MATN2: variants seen among roughly 807,000 people sequenced by gnomAD.
MATN2 encodes the protein matrilin 2.
MATN2 carries 69 observed loss-of-function variants against 103.2 expected under a neutral mutation model. That is an observed-to-expected ratio of 0.67 (90% confidence interval 0.55 to 0.82). MATN2 has a LOEUF of 0.82. MATN2 is among the 40% of genes least tolerant of loss of function. MATN2 has a pLI of 0.00. For synonymous variants in MATN2, 429 were observed against 450.2 expected, an observed-to-expected ratio of 0.95 and a Z score of 0.60; for missense variants, 1,023 against 1,211.5, an observed-to-expected ratio of 0.84 and a Z score of 2.31.
At chr8:98,023,709 G>C (rs1200347180) in intron 13 of MATN2, among the ~76,000 whole-genome samples, 1 of 152,082 alleles carries the variant, frequency 6.6e-6, no homozygotes, top group Non-Finnish European at 1.5e-5. Context: ...TAAAGGTGTT[G>C]AGCCCAGTGC....
chr8:97,939,456 G>A (rs1474002378), intron 3 of MATN2, among the ~76,000 whole-genome samples: 3 of 152,192 alleles, frequency 2.0e-5, no homozygotes, highest in Non-Finnish European at 4.4e-5. Context: ...AGCTGAAAAA[G>A]AAGGCAGAGT....
At chr8:98,004,825 G>A (rs1812912754) in intron 8 of MATN2, among the ~76,000 whole-genome samples, 1 of 152,240 alleles carries the variant, frequency 6.6e-6, no homozygotes, top group South Asian at 2.1e-4. Context: ...GTAAATGTAT[G>A]GGAACTTGCA....
intron 2 of MATN2, among the ~76,000 whole-genome samples, chr8:97,911,879 A>G (rs1292884142): frequency 6.6e-6 from 1 of 152,180 alleles, no homozygotes; most frequent in Admixed American, 6.5e-5. Context: ...AATAACAACA[A>G]TAAAGGCTTA....
intron 15 of MATN2, chr8:98,031,490 T>G (rs1298255575): frequency 6.6e-6 from 1 of 152,152 alleles, no homozygotes; most frequent in Non-Finnish European, 1.5e-5. Context: ...CCTAGAGAAA[T>G]GATCATTTAA....
intron 7 of MATN2, among the ~76,000 whole-genome samples, chr8:97,996,275 C>G (rs1563715329): frequency 6.6e-6 from 1 of 152,326 alleles, no homozygotes; most frequent in East Asian, 1.9e-4. Flanking sequence ...CCCTCCACAC[C>G]CTTCCTGGAG....
In MATN2 at chr8:97,915,265, T is replaced by C. The variant is rs190216287; in HGVS notation, c.143-15688T>C. On this transcript the variant is annotated intron_variant, in intron 2 of 18. Coordinates refer to ENST00000254898, the MANE Select transcript of MATN2 (RefSeq NM_002380.5). Reference sequence around the variant, plus strand: ...CCTTAGCCACCCAAAGTGCTGGGACTATAGGTGTGAGCCATCGTGCCTGGC... The same window carrying C: ...CCTTAGCCACCCAAAGTGCTGGGACCATAGGTGTGAGCCATCGTGCCTGGC... Among the ~76,000 whole-genome samples the C allele has an allele frequency of 4.4e-4, 67 of 152,310 alleles. 2 individuals carry two copies. In the East Asian group the frequency reaches 0.012, roughly 26 times the overall value.
chr8:98,020,456 T>C (rs1206767022), intron 12 of MATN2, among the ~76,000 whole-genome samples: 2 of 152,164 alleles, frequency 1.3e-5, no homozygotes, highest in Non-Finnish European at 2.9e-5. Flanking sequence ...CTCATGCTTT[T>C]CTTTCTGCAA....
intron 6 of MATN2, among the ~76,000 whole-genome samples, chr8:97,985,303 G>A (rs1330991359): frequency 6.6e-6 from 1 of 152,154 alleles, no homozygotes; most frequent in Non-Finnish European, 1.5e-5. Flanking sequence ...ACTCATTACT[G>A]TGAGGACAGC....
At chr8:97,962,633 G>A (rs1253429087) in intron 5 of MATN2, among the ~76,000 whole-genome samples, 1 of 152,146 alleles carries the variant, frequency 6.6e-6, no homozygotes, top group Non-Finnish European at 1.5e-5. Flanking sequence ...ATCTGCTGGT[G>A]GTGGCCATGA....
intron 7 of MATN2, among the ~76,000 whole-genome samples, chr8:98,002,040 A>G (rs536847606): frequency 6.6e-6 from 1 of 152,172 alleles, no homozygotes; most frequent in Non-Finnish European, 1.5e-5. Flanking sequence ...AGCCCAGCCA[A>G]TGAGGTCGGT....
At chr8:98,002,095 A>C (rs1272386250) in intron 7 of MATN2, among the ~76,000 whole-genome samples, 1 of 152,126 alleles carries the variant, frequency 6.6e-6, no homozygotes, top group African/African-American at 2.4e-5. Flanking sequence ...CCTCTCCACA[A>C]GCTCATTTTG....
intron 3 of MATN2, among the ~76,000 whole-genome samples, chr8:97,935,700 C>A (rs1810350849): frequency 6.6e-6 from 1 of 152,152 alleles, no homozygotes; most frequent in Admixed American, 6.6e-5. Context: ...GTTGCCTAGG[C>A]TGGTCTTGAA....
At chr8:97,928,283 G>A (rs1375854739) in intron 2 of MATN2, among the ~76,000 whole-genome samples, 1 of 143,598 alleles carries the variant, frequency 7.0e-6, no homozygotes, top group South Asian at 2.3e-4. Flanking sequence ...CTGGAGTGCA[G>A]TGGCGCCATC....
At chr8:98,003,148 G>C (rs765201834) in intron 7 of MATN2, among the ~76,000 whole-genome samples, 3 of 151,876 alleles carry the variant, frequency 2.0e-5, no homozygotes, top group African/African-American at 7.3e-5. Flanking sequence ...TGTGTTCACC[G>C]TCCCCTCATC....
At chr8:97,950,565 T>C (rs1438000054) in intron 4 of MATN2, among the ~76,000 whole-genome samples, 2 of 152,160 alleles carry the variant, frequency 1.3e-5, no homozygotes, top group South Asian at 4.1e-4. Context: ...CAAGAAACAT[T>C]CAGATCTTGG....
chr8:98,011,280 A>G (rs1401764570), intron 10 of MATN2, among the ~76,000 whole-genome samples: 1 of 152,168 alleles, frequency 6.6e-6, no homozygotes, highest in Non-Finnish European at 1.5e-5. Flanking sequence ...ATACCCTCAC[A>G]TCAGGGTTAG....
intron 7 of MATN2, among the ~76,000 whole-genome samples, chr8:97,998,196 T>C (rs116052315): frequency 0.01 from 1,550 of 151,946 alleles, 19 homozygotes; most frequent in African/African-American, 0.035. Context: ...TGGTTTTCAG[T>C]TGAATTATCT....
chr8:97,958,157 G>T (rs775524489), intron 4 of MATN2, among the ~76,000 whole-genome samples: 8 of 152,178 alleles, frequency 5.3e-5, no homozygotes, highest in Non-Finnish European at 8.8e-5. Context: ...TATTATAAAA[G>T]TTCCTGTTAG....
At chr8:98,026,983 T>C (rs547351986) in intron 13 of MATN2, among the ~76,000 whole-genome samples, 1 of 152,244 alleles carries the variant, frequency 6.6e-6, no homozygotes, top group East Asian at 1.9e-4. Context: ...GCAGAGGTGA[T>C]GGCTGAGCTG....
Sources: gnomAD v4.1 joint callset for allele counts (sites outside exome capture counted in the v4.1 genomes callset) on GRCh38, gnomAD v4.1.1 for gene constraint, MANE v1.5 for transcripts, NCBI Gene and HGNC (gene_info 2026-07-23, HGNC 2026-07-21) for gene names.